DRC11: variants seen among roughly 807,000 people sequenced by gnomAD.
DRC11 encodes IQ and AAA domain-containing protein 1.
the DRC11 span, among the ~76,000 whole-genome samples, chr2:236,354,483 G>GCC: frequency 1.3e-5 from 2 of 152,028 alleles, no homozygotes; most frequent in Admixed American, 1.3e-4. Context: ...AACTCTTGAA[G>GCC]CCCCGTCTCC....
At chr2:236,501,143 G>A in the DRC11 span, among the ~76,000 whole-genome samples, 1 of 152,122 alleles carries the variant, frequency 6.6e-6, no homozygotes, top group Non-Finnish European at 1.5e-5. Context: ...CATCTCACAT[G>A]GCGGGAGCAG....
At chr2:236,398,992 AT>A in the DRC11 span, among the ~76,000 whole-genome samples, 1,051 of 144,152 alleles carry the variant, frequency 7.3e-3, 6 homozygotes, top group Non-Finnish European at 0.01. This position sits in a 1 kb window ranked among gnomAD's most constrained non-coding sequence, Gnocchi z 6.2. Context: ...ACCAAAAGGA[AT>A]TTTTTTTTTT....
the DRC11 span, among the ~76,000 whole-genome samples, chr2:236,435,647 C>T: frequency 6.6e-6 from 1 of 152,152 alleles, no homozygotes; most frequent in Admixed American, 6.5e-5. Flanking sequence ...CCTTACAAAA[C>T]CATCAGATCT....
the DRC11 span, among the ~76,000 whole-genome samples, chr2:236,411,927 G>A: frequency 6.7e-6 from 1 of 148,242 alleles, no homozygotes; most frequent in Non-Finnish European, 1.5e-5. Flanking sequence ...GGATAGCATT[G>A]GGAGATATAC....
the DRC11 span, among the ~76,000 whole-genome samples, chr2:236,367,262 T>C: frequency 1.3e-5 from 2 of 148,300 alleles, no homozygotes; most frequent in Non-Finnish European, 3.0e-5. The surrounding 1 kb of genome is among the most constrained non-coding windows in gnomAD (Gnocchi z 4.8). Context: ...ATTTGTTATA[T>C]ATAATATAAA....
chr2:236,498,552 T>G, the DRC11 span, among the ~76,000 whole-genome samples: 2 of 151,754 alleles, frequency 1.3e-5, no homozygotes, highest in Non-Finnish European at 2.9e-5. Context: ...TCTGCCCTCA[T>G]TCCAGTGAGT....
the DRC11 span, among the ~76,000 whole-genome samples, chr2:236,442,709 A>G: frequency 6.6e-6 from 1 of 152,232 alleles, no homozygotes; most frequent in Admixed American, 6.5e-5. Flanking sequence ...TGAAAAGCAC[A>G]TTAATTAATA....
At chr2:236,373,353 C>A in the DRC11 span, among the ~76,000 whole-genome samples, 1 of 151,476 alleles carries the variant, frequency 6.6e-6, no homozygotes, top group African/African-American at 2.4e-5. Flanking sequence ...TGGCTTCAAG[C>A]GATTCTCCTG....
chr2:236,451,967 G>A, the DRC11 span, among the ~76,000 whole-genome samples: 1 of 152,116 alleles, frequency 6.6e-6, no homozygotes, highest in African/African-American at 2.4e-5. Flanking sequence ...GTTCCTTTCA[G>A]CTCTGGAAAC....
At chr2:236,378,661 C>T in the DRC11 span, among the ~76,000 whole-genome samples, 4 of 145,046 alleles carry the variant, frequency 2.8e-5, no homozygotes, top group Non-Finnish European at 6.0e-5. Flanking sequence ...GGCGAAACAG[C>T]GAGACTCCGT....
chr2:236,326,282 T>A, the DRC11 span, among the ~76,000 whole-genome samples: 2 of 152,378 alleles, frequency 1.3e-5, no homozygotes, highest in Non-Finnish European at 2.9e-5. Context: ...CCTCTGATAC[T>A]TACTGTATTC....
At chr2:236,324,861 C>A in the DRC11 span, 1 of 1,093,580 alleles carries the variant, frequency 9.1e-7, no homozygotes, top group Non-Finnish European at 1.3e-6. This position sits in a 1 kb window ranked among gnomAD's most constrained non-coding sequence, Gnocchi z 5.7. Context: ...AAAGAAAAGC[C>A]TGCTAAGCAG....
the DRC11 span, among the ~76,000 whole-genome samples, chr2:236,491,178 TATACAC>T: frequency 6.1e-4 from 32 of 52,170 alleles, 2 homozygotes; most frequent in African/African-American, 3.2e-3. Context: ...TATATATATA[TATACAC>T]ACAGTATATA....
chr2:236,491,853 A>G, the DRC11 span, among the ~76,000 whole-genome samples: 1 of 152,170 alleles, frequency 6.6e-6, no homozygotes, highest in Non-Finnish European at 1.5e-5. Context: ...AATGGGTGCT[A>G]TGGTTTAAAC....
At chr2:236,389,287 C>T in the DRC11 span, among the ~76,000 whole-genome samples, 1 of 152,250 alleles carries the variant, frequency 6.6e-6, no homozygotes, top group Non-Finnish European at 1.5e-5. Context: ...AGTTTGATCT[C>T]AGACTGCTGT....
At chr2:236,447,402 G>C in the DRC11 span, among the ~76,000 whole-genome samples, 1 of 151,674 alleles carries the variant, frequency 6.6e-6, no homozygotes, top group African/African-American at 2.4e-5. This position sits in a 1 kb window ranked among gnomAD's most constrained non-coding sequence, Gnocchi z 4.6. Flanking sequence ...GAGAGACCTG[G>C]ACAGAAAGGT....
chr2:236,345,543 C>T, the DRC11 span, among the ~76,000 whole-genome samples: 2 of 152,132 alleles, frequency 1.3e-5, no homozygotes, highest in East Asian at 3.9e-4. Context: ...TTTCAGCACT[C>T]GGGCCCCCAC....
chr2:236,344,085 C>A, the DRC11 span, among the ~76,000 whole-genome samples: 2 of 150,784 alleles, frequency 1.3e-5, no homozygotes, highest in African/African-American at 4.9e-5. Flanking sequence ...AGGAGGGGGA[C>A]CATTGAAAGG....
the DRC11 span, among the ~76,000 whole-genome samples, chr2:236,418,146 C>T: frequency 6.6e-6 from 1 of 152,164 alleles, no homozygotes; most frequent in East Asian, 1.9e-4. Flanking sequence ...TGAGGAATCG[C>T]CACACTGTCT....
Sources: gnomAD v4.1 joint callset for allele counts (sites outside exome capture counted in the v4.1 genomes callset) on GRCh38, gnomAD v4.1.1 for gene constraint, Gnocchi (gnomAD v3.1) non-coding constraint, MANE v1.5 for transcripts, NCBI Gene and HGNC (gene_info 2026-07-23, HGNC 2026-07-21) for gene names.